Variants in KCTD18 observed in about 807,000 individuals in gnomAD.
The protein encoded by KCTD18 is BTB/POZ domain-containing protein KCTD18.
Under a neutral mutation model 30.4 loss-of-function variants are expected in KCTD18, and 22 were observed. The ratio of observed to expected loss-of-function variants is 0.72; its 90% CI spans 0.52 to 1.03. The LOEUF is 1.03. Among genes scored for constraint, KCTD18 ranks in the 50% least tolerant of loss-of-function variants. The pLI, the probability that KCTD18 is intolerant of heterozygous loss-of-function variation, is 0.00. For missense variants in KCTD18, 529 were observed against 547.6 expected (o/e 0.97, Z 0.34); for synonymous variants, 186 against 209.0 (o/e 0.89, Z 0.95).
chr2:200,499,212 T>G, intron 3 of KCTD18, 128 bp from the exon 4 acceptor site: 1 of 666,056 alleles, frequency 1.5e-6, no homozygotes, highest in Middle Eastern at 4.1e-4. Context: ...AGATTATATA[T>G]TTCAGCTTAG....
chr2:200,507,420 T>C (rs990776015), intron 1 of KCTD18, among the ~76,000 whole-genome samples: 24 of 152,190 alleles, frequency 1.6e-4, no homozygotes, highest in Admixed American at 1.6e-3. Flanking sequence ...TTTTTAACCA[T>C]GATAAGTCTG....
intron 5 of KCTD18, chr2:200,496,822 CT>C: frequency 6.6e-6 from 1 of 152,136 alleles, no homozygotes; most frequent in Non-Finnish European, 1.5e-5. Flanking sequence ...TCTTCCTCTC[CT>C]TTTATGTCTT....
chr2:200,501,037 G>T lies in KCTD18; in HGVS notation c.373-1953C>A, dbSNP rs934623830. On this transcript the variant is annotated intron_variant, in intron 3 of 6. Coordinates refer to ENST00000359878, the MANE Select transcript of KCTD18 (RefSeq NM_152387.4). ...CTGAGAAAAACAAGCAATGGAGAAA[G>T]GATTCCCTATTTAATAAATGGTGCT... 4.6e-3 allele frequency among the ~76,000 whole-genome samples: 697 copies of T among 151,858 alleles called. 2 individuals carry two copies. The highest frequency in any genetic ancestry group is 7.7e-3 in the Non-Finnish European group (521 of 67,834).
At chr2:200,504,272 CA>C in intron 3 of KCTD18, among the ~76,000 whole-genome samples, 1 of 152,072 alleles carries the variant, frequency 6.6e-6, no homozygotes, top group Non-Finnish European at 1.5e-5. Flanking sequence ...TCCTGGCTAA[CA>C]CGGTGAAACC....
chr2:200,506,909 G>A lies in KCTD18; in HGVS notation c.108C>T (p.Ser36=). Residue 36 remains serine (S), a synonymous_variant, in exon 2 of 7, where the codon TCC becomes TCT. Coordinates refer to ENST00000359878, the MANE Select transcript of KCTD18 (RefSeq NM_152387.4). ...RRESLCRFKD[S]MLASMFSGRF... ...GACCACTGAACATAGATGCCAACAT[G>A]GAGTCCTTGAAGCGGCACAAGGACT... The A allele has an allele frequency of 1.2e-6, 2 of 1,613,900 alleles. No homozygotes were observed. The highest frequency in any genetic ancestry group is 1.7e-5 in the Admixed American group (1 of 59,982).
At chr2:200,497,713 A>G in intron 5 of KCTD18, 40 bp downstream of exon 5, 1 of 1,326,034 alleles carries the variant, frequency 7.5e-7, no homozygotes, top group Non-Finnish European at 1.1e-6. Context: ...TTTTTTTTAA[A>G]GTCCACCTGC....
rs2030420840 is a variant in KCTD18, at chr2:200,509,785, G to A, written c.-233C>T. 1 of 152,212 alleles carries A rather than the reference G, an allele frequency of 6.6e-6. No individual in the cohort carries two copies. Among genetic ancestry groups the A allele is most frequent in the Non-Finnish European group, 1.5e-5 (1 of 68,022 alleles). 9.4% of individuals were successfully genotyped at this position (152,212 alleles called of 1,614,324 possible). ...TCACACTCCTCTTCCGAAGCGGGAA[G>A]AGCCGGGAGGAGCTGGGGAGCCAGA... On this transcript the variant is annotated 5_prime_UTR_variant, in exon 1 of 7. Transcript: ENST00000359878.
Position 200,504,390 on chromosome 2 carries a change from C to A in KCTD18, c.372+358G>T, listed in dbSNP as rs960113503. The stretch of plus-strand genomic sequence containing the variant: ...AGGAGAATGGTGTGAAGCCCAGAGG[C>A]GGAGCTTGCAGTGAGCCAAAATCCC... On this transcript the variant is annotated intron_variant, in intron 3 of 6. Transcript: ENST00000359878. Among the ~76,000 whole-genome samples, 3 of 144,912 alleles carry A rather than the reference C, an allele frequency of 2.1e-5. No homozygotes were observed. In the Admixed American group the frequency reaches 2.2e-4, roughly 10 times the overall value.
chr2:200,490,000 A>C lies in KCTD18; in HGVS notation c.*100T>G. The C allele has an allele frequency of 1.6e-6, 2 of 1,255,320 alleles. No homozygotes were observed. The highest frequency in any genetic ancestry group is 2.2e-6 in the Non-Finnish European group (2 of 927,298). 77.8% of individuals were successfully genotyped at this position (1,255,320 alleles called of 1,614,324 possible). A position where few individuals can be genotyped will look rare whatever the true frequency, so the allele number is the denominator to read the frequency against. On this transcript the variant is annotated 3_prime_UTR_variant, in exon 7 of 7. Transcript: ENST00000359878. Reference sequence around the variant, plus strand: ...GGAACAGAATCCTCAACATAAACCTAAGCTTCCCCTCTGCTGCATTAAGAA... The same window carrying C: ...GGAACAGAATCCTCAACATAAACCTCAGCTTCCCCTCTGCTGCATTAAGAA...
intron 5 of KCTD18, 21 bp from the exon 6 acceptor site, chr2:200,493,295 A>C: frequency 7.4e-7 from 1 of 1,351,936 alleles, no homozygotes; most frequent in Non-Finnish European, 1.1e-6. Flanking sequence ...AAAAGACATA[A>C]TTAAGACAGC....
Position 200,498,983 on chromosome 2 carries a change from T to C in KCTD18, c.474A>G (p.Arg158=). 6.2e-7 allele frequency: 1 copy of C among 1,614,142 alleles called. No homozygotes were observed. Among genetic ancestry groups the C allele is most frequent in the Non-Finnish European group, 8.5e-7 (1 of 1,179,974 alleles). Residue 158 remains arginine, a synonymous_variant, in exon 4 of 7, where the codon AGA becomes AGG. Coordinates refer to ENST00000359878, the MANE Select transcript of KCTD18 (RefSeq NM_152387.4). The stretch of plus-strand genomic sequence containing the variant: ...TTTTTGTGGCATATACACCAATAAT[T>C]CTACTCTCACAGCTTGCACCAGATG... The part of the protein sequence containing the change: ...LNTSGASCES[R]IIGVYATKTD...
rs970564191 is a variant in KCTD18 at position 200,499,161 on chromosome 2, T to G, written c.373-77A>C. On this transcript the variant is annotated intron_variant, in intron 3 of 6. Coordinates refer to ENST00000359878, the MANE Select transcript of KCTD18 (RefSeq NM_152387.4). ...AAATGAATATGCTCCATTACTTTCA[T>G]GTAAAAGCTGAAATTCTAGTTGATC... 1.2e-5 allele frequency: 12 copies of G among 1,003,150 alleles called. No homozygotes were observed. The Admixed American group carries it at 2.6e-4, about 22-fold the overall frequency. 62.1% of individuals were successfully genotyped at this position (1,003,150 alleles called of 1,614,324 possible). A position where few individuals can be genotyped will look rare whatever the true frequency, so the allele number is the denominator to read the frequency against.
chr2:200,503,937 C>T lies in KCTD18; in HGVS notation c.372+811G>A, dbSNP rs115380057. On this transcript the variant is annotated intron_variant, in intron 3 of 6. Coordinates refer to ENST00000359878, the MANE Select transcript of KCTD18 (RefSeq NM_152387.4). ...AAACAGATAATTAGGATTTTCAAATCATGTAAAGATCTTTAAAATGCAATT... is the reference window on the plus strand; with the variant it reads ...AAACAGATAATTAGGATTTTCAAATTATGTAAAGATCTTTAAAATGCAATT... Among the ~76,000 whole-genome samples, 826 of 152,268 alleles carry T rather than the reference C, an allele frequency of 5.4e-3. 11 individuals carry two copies. The highest frequency in any genetic ancestry group is 0.017 in the Middle Eastern group (5 of 294).
At position 200,507,001 on chromosome 2, in the gene KCTD18, C is replaced by T; in HGVS notation, c.16G>A (p.Ala6Thr). The T allele has an allele frequency of 6.2e-7, 1 of 1,603,854 alleles. No individual in the cohort carries two copies. Among genetic ancestry groups the T allele is most frequent in the Non-Finnish European group, 8.5e-7 (1 of 1,173,710 alleles). ...AGAACATCTAGCACCTCTTCTTCTG[C>T]CTTGTGGCCTTCCATTTCTCCCCCA... MEGHK[A>T]EEEVLDVLRL... The change falls in exon 2 of 7, where the codon GCA becomes ACA. Residue 6 changes from alanine to threonine, a missense_variant. Coordinates refer to ENST00000359878, the MANE Select transcript of KCTD18 (RefSeq NM_152387.4).
chr2:200,490,361 A>C lies in KCTD18; in HGVS notation c.1020T>G (p.Pro340=), dbSNP rs2087892790. The C allele has an allele frequency of 6.2e-7, 1 of 1,614,224 alleles. No homozygotes were observed. The highest frequency in any genetic ancestry group is 8.5e-7 in the Non-Finnish European group (1 of 1,180,038). Residue 340 remains proline (P), a synonymous_variant, in exon 7 of 7, where the codon CCT becomes CCG. Coordinates refer to ENST00000359878, the MANE Select transcript of KCTD18 (RefSeq NM_152387.4). ...RATALVGTGA[P]GHPQASPGAA... ...CCCCAGGGGAAGCCTGAGGATGCCCAGGTGCCCCCGTGCCCACCAGGGCCG... is the reference window on the plus strand; with the variant it reads ...CCCCAGGGGAAGCCTGAGGATGCCCCGGTGCCCCCGTGCCCACCAGGGCCG...
chr2:200,502,052 C>T (rs1284146539), intron 3 of KCTD18, among the ~76,000 whole-genome samples: 1 of 151,868 alleles, frequency 6.6e-6, no homozygotes, highest in Non-Finnish European at 1.5e-5. Flanking sequence ...AAACCAAACA[C>T]CGCATATTCT....
intron 2 of KCTD18, 115 bp from the exon 3 acceptor site, chr2:200,505,074 A>G (rs993661731): frequency 1.3e-6 from 1 of 775,660 alleles, no homozygotes; most frequent in African/African-American, 1.8e-5. Context: ...TTCTCACATG[A>G]AAGTTAACAT....
intron 6 of KCTD18, among the ~76,000 whole-genome samples, chr2:200,492,592 T>C (rs916471168): frequency 2.6e-5 from 4 of 152,160 alleles, no homozygotes; most frequent in Non-Finnish European, 5.9e-5. Flanking sequence ...TTGTAGAACA[T>C]GTGATCAAGA....
chr2:200,503,740 C>T (rs544060326), intron 3 of KCTD18, among the ~76,000 whole-genome samples: 1 of 152,312 alleles, frequency 6.6e-6, no homozygotes, highest in East Asian at 1.9e-4. Context: ...TCATGCTGCA[C>T]TCCTAATAAC....
Sources: gnomAD v4.1 joint callset for allele counts (sites outside exome capture counted in the v4.1 genomes callset) on GRCh38, gnomAD v4.1.1 for gene constraint, MANE v1.5 for transcripts, NCBI Gene and HGNC (gene_info 2026-07-23, HGNC 2026-07-21) for gene names.